ITFG1: variants seen among roughly 807,000 people sequenced by gnomAD.
ITFG1 encodes T-cell immunomodulatory protein.
Under a neutral mutation model 81.8 loss-of-function variants are expected in ITFG1, and 34 were observed. The observed-to-expected ratio is 0.42, with a 90% CI of 0.32 to 0.55. The LOEUF is 0.55. Among genes scored for constraint, ITFG1 ranks in the 20% least tolerant of loss-of-function variants. The probability of loss-of-function intolerance (pLI) is 0.17; values close to 1 mark genes in which losing one functional copy is unlikely to be tolerated. For synonymous variants in ITFG1, 285 were observed against 270.6 expected, an observed-to-expected ratio of 1.05 and a Z score of -0.52; for missense variants, 672 against 755.4, an observed-to-expected ratio of 0.89 and a Z score of 1.29.
intron 8 of ITFG1, among the ~76,000 whole-genome samples, chr16:47,351,948 A>T (rs1967964222): frequency 6.6e-6 from 1 of 151,834 alleles, no homozygotes; most frequent in Admixed American, 6.6e-5. Flanking sequence ...CTGACAAAAA[A>T]GAAATGGGGA....
At chr16:47,301,117 G>T (rs531287296) in intron 10 of ITFG1, among the ~76,000 whole-genome samples, 1 of 152,222 alleles carries the variant, frequency 6.6e-6, no homozygotes, top group South Asian at 2.1e-4. Flanking sequence ...TGACTAGAGA[G>T]ATTTACTAAA....
intron 8 of ITFG1, among the ~76,000 whole-genome samples, chr16:47,342,120 T>C (rs1161447799): frequency 6.6e-6 from 1 of 152,056 alleles, no homozygotes; most frequent in Non-Finnish European, 1.5e-5. Flanking sequence ...CAAAGGAAAA[T>C]TCCTGAGCAA....
At chr16:47,283,503 T>G (rs774634060) in intron 10 of ITFG1, among the ~76,000 whole-genome samples, 1 of 152,188 alleles carries the variant, frequency 6.6e-6, no homozygotes, top group Non-Finnish European at 1.5e-5. Context: ...CTGTCCATTC[T>G]ATTGGTTTTG....
intron 14 of ITFG1, among the ~76,000 whole-genome samples, chr16:47,188,860 G>A (rs916957715): frequency 6.6e-6 from 1 of 152,140 alleles, no homozygotes; most frequent in Non-Finnish European, 1.5e-5. Flanking sequence ...CACTTCCTGG[G>A]TTTAAGCGAT....
chr16:47,342,148 T>C (rs1246455695), intron 8 of ITFG1, among the ~76,000 whole-genome samples: 1 of 152,122 alleles, frequency 6.6e-6, no homozygotes, highest in Non-Finnish European at 1.5e-5. Context: ...AAAAAAACCC[T>C]CAGCATATTA....
intron 17 of ITFG1, 43 bp downstream of exon 17, chr16:47,158,830 G>T: frequency 1.9e-6 from 2 of 1,062,034 alleles, no homozygotes; most frequent in Non-Finnish European, 2.9e-6. Flanking sequence ...TGTATTACTA[G>T]AATAAATTAA....
At chr16:47,210,338 T>C (rs1466241837) in intron 14 of ITFG1, among the ~76,000 whole-genome samples, 1 of 152,184 alleles carries the variant, frequency 6.6e-6, no homozygotes, top group East Asian at 1.9e-4. Context: ...CTATGTATCT[T>C]CTTCAGTGAA....
At chr16:47,276,783 A>G (rs1203922881) in intron 10 of ITFG1, among the ~76,000 whole-genome samples, 1 of 152,136 alleles carries the variant, frequency 6.6e-6, no homozygotes, top group Non-Finnish European at 1.5e-5. Flanking sequence ...AAAATACACT[A>G]CTCATTAAGC....
chr16:47,260,584 C>T lies in ITFG1; in HGVS notation c.1182G>A (p.Lys394=). 1 of 1,614,174 alleles carries T rather than the reference C, an allele frequency of 6.2e-7. No individual in the cohort carries two copies. The highest frequency in any genetic ancestry group is 1.1e-5 in the South Asian group (1 of 91,086). ...YWELTDLNQI[K]DAMVATFFDI... ...CAAAGAAGGTGGCAACCATGGCATC[C>T]TTAATTTGATTTAGGTCTGTCAGCT... Residue 394 remains lysine (K), a synonymous_variant, in exon 11 of 18, where the codon AAG becomes AAA. Coordinates refer to ENST00000320640, the MANE Select transcript of ITFG1 (RefSeq NM_030790.5).
At chr16:47,177,003 G>A (rs1965035961) in intron 14 of ITFG1, among the ~76,000 whole-genome samples, 1 of 150,304 alleles carries the variant, frequency 6.7e-6, no homozygotes, top group African/African-American at 2.5e-5. Flanking sequence ...CTGTGACCCA[G>A]GCTGGAGTGC....
rs147934593 is a variant in ITFG1 at position 47,186,348 on chromosome 16, G to A, written c.1454-23684C>T. On this transcript the variant is annotated intron_variant, in intron 14 of 17. Transcript: ENST00000320640. Reference sequence around the variant, plus strand: ...ACCAATATCCTTGATGAACATTGATGCAAAAATCCTCAATAAAATACTGGC... The same window carrying A: ...ACCAATATCCTTGATGAACATTGATACAAAAATCCTCAATAAAATACTGGC... 7.5e-3 allele frequency among the ~76,000 whole-genome samples: 1,140 copies of A among 152,248 alleles called. 21 individuals are homozygous for A. Among genetic ancestry groups the A allele is most frequent in the African/African-American group, 0.026 (1,099 of 41,550 alleles).
intron 5 of ITFG1, among the ~76,000 whole-genome samples, chr16:47,439,905 T>G (rs371280554): frequency 2.0e-5 from 3 of 152,116 alleles, no homozygotes; most frequent in Non-Finnish European, 4.4e-5. Context: ...TGGATAAAGA[T>G]TCAAGACCCA....
rs202102664 is a variant in ITFG1 at position 47,460,949 on chromosome 16, C to A, written c.97G>T (p.Ala33Ser). ...LLGVGPVPARALHNVTAELFG... is the reference protein window; with the variant it reads ...LLGVGPVPARSLHNVTAELFG... ...AGCTCGGCCGTGACGTTGTGCAGCG[C>A]CCGCGCTGGGACCGGCCCGACTCCC... is the stretch of plus-strand genomic sequence containing the variant. The change falls in exon 1 of 18, where the codon GCG becomes TCG. Residue 33 changes from alanine to serine, a missense_variant. Ala to Ser is a moderately conservative substitution (Grantham distance 99). This residue lies in a region of ITFG1 where 560 missense variants were observed against 625.7 expected (regional missense o/e 0.90). Transcript: ENST00000320640. 174 of 1,610,110 alleles carry A rather than the reference C, an allele frequency of 1.1e-4. 1 individual carries two copies. Among genetic ancestry groups the A allele is most frequent in the South Asian group, 9.6e-4 (87 of 90,468 alleles).
At chr16:47,392,901 C>T (rs1968550363) in intron 6 of ITFG1, among the ~76,000 whole-genome samples, 1 of 152,100 alleles carries the variant, frequency 6.6e-6, no homozygotes, top group African/African-American at 2.4e-5. Context: ...ATCACCCAGC[C>T]ACAGGTTTTT....
intron 14 of ITFG1, among the ~76,000 whole-genome samples, chr16:47,182,886 C>G (rs950457527): frequency 6.6e-6 from 1 of 152,166 alleles, no homozygotes. Flanking sequence ...GAGTGCCAGA[C>G]GGTGGGTGCA....
chr16:47,183,108 G>C (rs1006796902), intron 14 of ITFG1, among the ~76,000 whole-genome samples: 3 of 152,180 alleles, frequency 2.0e-5, no homozygotes, highest in Admixed American at 1.3e-4. Flanking sequence ...CATCTGGCTC[G>C]CACCTGGCTT....
intron 5 of ITFG1, among the ~76,000 whole-genome samples, chr16:47,431,637 T>C (rs1191970123): frequency 6.6e-6 from 1 of 152,188 alleles, no homozygotes; most frequent in African/African-American, 2.4e-5. Context: ...GTAAATGTAC[T>C]AAATGATACT....
At chr16:47,335,288 C>T (rs569735211) in intron 8 of ITFG1, among the ~76,000 whole-genome samples, 2 of 152,032 alleles carry the variant, frequency 1.3e-5, no homozygotes, top group Non-Finnish European at 2.9e-5. Flanking sequence ...ACCTGGGAGG[C>T]GGAGGTTGCT....
At chr16:47,391,719 A>C (rs561924740) in intron 6 of ITFG1, among the ~76,000 whole-genome samples, 2 of 152,176 alleles carry the variant, frequency 1.3e-5, no homozygotes, top group Non-Finnish European at 2.9e-5. Context: ...TTAGAAATAT[A>C]TATGTGCATG....
Sources: gnomAD v4.1 joint callset for allele counts (sites outside exome capture counted in the v4.1 genomes callset) on GRCh38, gnomAD v4.1.1 for gene constraint, gnomAD v4.1.1 regional missense constraint, MANE v1.5 for transcripts, NCBI Gene and HGNC (gene_info 2026-07-23, HGNC 2026-07-21) for gene names.